Variants in TRPS1 observed in about 807,000 individuals in gnomAD.
The protein encoded by TRPS1 is transcriptional repressor GATA binding 1.
A neutral mutation model predicts 101.2 loss-of-function variants in TRPS1; 6 were observed. The observed-to-expected ratio is 0.06, with a 90% CI of 0.03 to 0.12. The LOEUF (loss-of-function observed/expected upper bound fraction) is 0.12, where lower values mean the gene tolerates loss of function less well. TRPS1 is among the 10% of genes least tolerant of loss of function. TRPS1 has a pLI of 1.00. For synonymous variants in TRPS1, 578 were observed against 589.8 expected (o/e 0.98, Z 0.29); for missense variants, 1,363 against 1,567.0 (o/e 0.87, Z 2.20).
chr8:115,412,169 G>A lies in TRPS1; in HGVS notation c.*1854C>T, dbSNP rs1278113053. 1 of 150,650 alleles carries A rather than the reference G, an allele frequency of 6.6e-6. No individual in the cohort carries two copies. Among genetic ancestry groups the A allele is most frequent in the Admixed American group, 6.6e-5 (1 of 15,150 alleles). The allele number at this position is 150,650 out of a possible 1,614,324, so 9.3% of individuals were successfully genotyped here. A position where few individuals can be genotyped will look rare whatever the true frequency, so the allele number is the denominator to read the frequency against. On this transcript the variant is annotated 3_prime_UTR_variant, in exon 7 of 7. Coordinates refer to ENST00000395715, the MANE Select transcript of TRPS1 (RefSeq NM_014112.5). The stretch of plus-strand genomic sequence containing the variant: ...TTAAGCATAACAATGTGAGTTAAGA[G>A]CTTAAAAATTAAAAAAAAAAAAGTA...
chr8:115,517,272 T>C (rs1173532014), intron 5 of TRPS1, among the ~76,000 whole-genome samples: 1 of 151,684 alleles, frequency 6.6e-6, no homozygotes, highest in Non-Finnish European at 1.5e-5. Context: ...ATGCAAAAGC[T>C]TCACTTTTAA....
intron 5 of TRPS1, among the ~76,000 whole-genome samples, chr8:115,517,275 A>T (rs1431005909): frequency 6.6e-6 from 1 of 151,716 alleles, no homozygotes; most frequent in Non-Finnish European, 1.5e-5. Flanking sequence ...CAAAAGCTTC[A>T]CTTTTAACAA....
chr8:115,429,260 T>C (rs1408554224), intron 5 of TRPS1, among the ~76,000 whole-genome samples: 3 of 152,234 alleles, frequency 2.0e-5, no homozygotes, highest in African/African-American at 7.2e-5. Context: ...CAGTACCATC[T>C]GTAAAAACGA....
At chr8:115,599,406 G>A (rs1052197496) in intron 4 of TRPS1, among the ~76,000 whole-genome samples, 6 of 151,810 alleles carry the variant, frequency 4.0e-5, no homozygotes, top group Admixed American at 1.3e-4. Context: ...ATGTGCCATG[G>A]TGGTTTGCTG....
chr8:115,506,696 T>C (rs1815453310), intron 5 of TRPS1, among the ~76,000 whole-genome samples: 2 of 152,136 alleles, frequency 1.3e-5, no homozygotes, highest in Non-Finnish European at 2.9e-5. Flanking sequence ...AAGTAGATTT[T>C]TATTGCTTTT....
chr8:115,607,471 T>C (rs1818067179), intron 3 of TRPS1, among the ~76,000 whole-genome samples: 1 of 151,754 alleles, frequency 6.6e-6, no homozygotes, highest in Non-Finnish European at 1.5e-5. Context: ...AACTTCATTA[T>C]TTAAGAAGCT....
intron 5 of TRPS1, among the ~76,000 whole-genome samples, chr8:115,483,863 G>T (rs145328543): frequency 1.3e-5 from 2 of 152,104 alleles, no homozygotes; most frequent in Admixed American, 6.6e-5. Context: ...CTCTAAAGAT[G>T]AGTAATTTTT....
At chr8:115,587,693 C>G (rs1250012344) in intron 4 of TRPS1, 89 bp from the exon 5 acceptor site, 38 of 1,599,258 alleles carry the variant, frequency 2.4e-5, no homozygotes, top group Non-Finnish European at 3.2e-5. Flanking sequence ...AATTTTCTAC[C>G]TACTCATGCA....
At chr8:115,463,681 C>G (rs978609684) in intron 5 of TRPS1, among the ~76,000 whole-genome samples, 2 of 151,976 alleles carry the variant, frequency 1.3e-5, no homozygotes, top group Non-Finnish European at 2.9e-5. Context: ...TTTCAGCTCT[C>G]AAGTATTCAA....
intron 5 of TRPS1, among the ~76,000 whole-genome samples, chr8:115,518,825 T>C (rs1815786987): frequency 6.6e-6 from 1 of 151,870 alleles, no homozygotes; most frequent in South Asian, 2.1e-4. Flanking sequence ...CCATCAGAAA[T>C]TTAAACTTCT....
chr8:115,604,410 T>C lies in TRPS1; in HGVS notation c.1559A>G (p.Lys520Arg), dbSNP rs1318058071. The C allele has an allele frequency of 1.2e-6, 2 of 1,613,944 alleles. No homozygotes were observed. The highest frequency in any genetic ancestry group is 2.7e-5 in the African/African-American group (2 of 74,902). ...KTDKSSSGAKKKDFSSKGAED... is the reference protein window; with the variant it reads ...KTDKSSSGAKRKDFSSKGAED... Reference sequence around the variant, plus strand: ...GGCTCCCTTGCTGGAGAAGTCCTTCTTTTTAGCCCCACTCGAGCTCTTGTC... The same window carrying C: ...GGCTCCCTTGCTGGAGAAGTCCTTCCTTTTAGCCCCACTCGAGCTCTTGTC... Residue 520 changes from lysine to arginine, a missense_variant, in exon 4 of 7, where the codon AAG becomes AGG. Transcript: ENST00000395715. This position sits in a 1 kb window ranked among gnomAD's most constrained non-coding sequence, Gnocchi z 4.1.
intron 5 of TRPS1, among the ~76,000 whole-genome samples, chr8:115,533,437 T>G (rs13278344): frequency 2.0e-5 from 2 of 101,780 alleles, no homozygotes; most frequent in Admixed American, 9.8e-5. Context: ...ATGTAATCTG[T>G]TTTTTTTTTT....
intron 5 of TRPS1, among the ~76,000 whole-genome samples, chr8:115,500,868 C>T (rs1375339610): frequency 6.6e-6 from 1 of 152,130 alleles, no homozygotes; most frequent in Admixed American, 6.6e-5. Flanking sequence ...CCACCGCGCC[C>T]GACCTGAACT....
intron 4 of TRPS1, among the ~76,000 whole-genome samples, chr8:115,593,338 A>G (rs538503012): frequency 2.0e-5 from 3 of 152,346 alleles, no homozygotes; most frequent in East Asian, 1.9e-4. Context: ...CACAAAGTAT[A>G]TATTTCCACC....
chr8:115,490,719 C>T (rs1251391570), intron 5 of TRPS1, among the ~76,000 whole-genome samples: 1 of 152,112 alleles, frequency 6.6e-6, no homozygotes, highest in Non-Finnish European at 1.5e-5. Context: ...GAATTCATCT[C>T]TTGAAATTTG....
rs542085520 is a variant in TRPS1 at position 115,586,405 on chromosome 8, G to A, written c.2700+596C>T. Among the ~76,000 whole-genome samples the A allele has an allele frequency of 7.2e-5, 11 of 152,168 alleles. No individual in the cohort carries two copies. The South Asian group carries it at 2.3e-3, about 32-fold the overall frequency. On this transcript the variant is annotated intron_variant, in intron 5 of 6. Coordinates refer to ENST00000395715, the MANE Select transcript of TRPS1 (RefSeq NM_014112.5). ...AGATCCTGTTCATATCAAATGCATGGCACTCTTCTTTGGCCGCTTTTCACA... is the reference window on the plus strand; with the variant it reads ...AGATCCTGTTCATATCAAATGCATGACACTCTTCTTTGGCCGCTTTTCACA...
At chr8:115,438,550 G>C (rs1356314465) in intron 5 of TRPS1, among the ~76,000 whole-genome samples, 1 of 152,154 alleles carries the variant, frequency 6.6e-6, no homozygotes, top group African/African-American at 2.4e-5. Flanking sequence ...CAGTAACCTA[G>C]TTTCCTCCTT....
chr8:115,435,952 A>AT (rs984812946), intron 5 of TRPS1, among the ~76,000 whole-genome samples: 23 of 149,686 alleles, frequency 1.5e-4, no homozygotes, highest in African/African-American at 3.2e-4. Context: ...CGATACTAGG[A>AT]TTTTTTTTGA....
At chr8:115,526,589 T>C (rs1438270873) in intron 5 of TRPS1, among the ~76,000 whole-genome samples, 2 of 152,118 alleles carry the variant, frequency 1.3e-5, no homozygotes, top group Non-Finnish European at 2.9e-5. Context: ...GAAGAGAGAA[T>C]GCCTAAGTAC....
Sources: gnomAD v4.1 joint callset for allele counts (sites outside exome capture counted in the v4.1 genomes callset) on GRCh38, gnomAD v4.1.1 for gene constraint, Gnocchi (gnomAD v3.1) non-coding constraint, MANE v1.5 for transcripts, NCBI Gene and HGNC (gene_info 2026-07-23, HGNC 2026-07-21) for gene names.